GAD2: variants seen among roughly 807,000 people sequenced by gnomAD.
GAD2 encodes 65 kDa glutamic acid decarboxylase.
GAD2 carries 22 observed loss-of-function variants against 80.1 expected under a neutral mutation model. The observed-to-expected ratio is 0.27, with a 90% confidence interval of 0.20 to 0.39. The LOEUF is 0.39. Ranked by LOEUF, GAD2 falls within the 10% of genes least tolerant of loss-of-function variation. The pLI is 1.00. For missense variants in GAD2, 624 were observed against 738.4 expected, an observed-to-expected ratio of 0.85 and a Z score of 1.80; for synonymous variants, 274 against 256.9, an observed-to-expected ratio of 1.07 and a Z score of -0.64.
chr10:26,237,900 G>A (rs2132281857), intron 7 of GAD2, among the ~76,000 whole-genome samples: 1 of 151,932 alleles, frequency 6.6e-6, no homozygotes, highest in South Asian at 2.1e-4. Flanking sequence ...CCAGCTACTT[G>A]GGAGGCTGAG....
At chr10:26,287,972 G>A (rs1024911853) in intron 13 of GAD2, among the ~76,000 whole-genome samples, 2 of 152,176 alleles carry the variant, frequency 1.3e-5, no homozygotes, top group Non-Finnish European at 2.9e-5. Context: ...ACCAGTGAAT[G>A]GGTTCTTCCA....
At chr10:26,263,037 C>T (rs1845027455) in intron 8 of GAD2, among the ~76,000 whole-genome samples, 1 of 152,044 alleles carries the variant, frequency 6.6e-6, no homozygotes, top group Non-Finnish European at 1.5e-5. Context: ...ATCTCCTTAC[C>T]ATATCATGAT....
intron 6 of GAD2, among the ~76,000 whole-genome samples, chr10:26,226,351 G>A (rs1844522641): frequency 6.6e-6 from 1 of 152,280 alleles, no homozygotes; most frequent in Non-Finnish European, 1.5e-5. Flanking sequence ...TTTTCACATG[G>A]AGAAGACTTC....
intron 7 of GAD2, among the ~76,000 whole-genome samples, chr10:26,234,924 G>A (rs1844652870): frequency 6.6e-6 from 1 of 152,072 alleles, no homozygotes; most frequent in Non-Finnish European, 1.5e-5. Flanking sequence ...CCAGGCTAGA[G>A]TGCAGTGGCG....
At position 26,217,290 on chromosome 10, in the gene GAD2, T is replaced by C. The variant is rs1844386584; in HGVS notation, c.77-320T>C. ...TCTAGAAAGACAGTCTGCGAAAAAATGGATAGCTTCAGTGTTTAGGAAAAC... is the reference window on the plus strand; with the variant it reads ...TCTAGAAAGACAGTCTGCGAAAAAACGGATAGCTTCAGTGTTTAGGAAAAC... On this transcript the variant is annotated intron_variant, in intron 1 of 15. Coordinates refer to ENST00000376261, the MANE Select transcript of GAD2 (RefSeq NM_001134366.2). This position sits in a 1 kb window ranked among gnomAD's most constrained non-coding sequence, Gnocchi z 4.9. Among the ~76,000 whole-genome samples, 1 of 151,150 alleles carries C rather than the reference T, an allele frequency of 6.6e-6. No individual in the cohort carries two copies. Among genetic ancestry groups the C allele is most frequent in the African/African-American group, 2.4e-5 (1 of 41,080 alleles).
intron 7 of GAD2, among the ~76,000 whole-genome samples, chr10:26,243,298 C>A (rs1419367590): frequency 6.6e-6 from 1 of 152,196 alleles, no homozygotes; most frequent in Non-Finnish European, 1.5e-5. Flanking sequence ...GGTGATTAGA[C>A]ATACCCCCTA....
chr10:26,301,234 A>C lies in GAD2; in HGVS notation c.*273A>C, dbSNP rs1439771597. ...TATAAATACTTCCCTTACTTTTAAT[A>C]TAGTGTGCAAAGCAAACTTTATTTT... is the stretch of plus-strand genomic sequence containing the variant. On this transcript the variant is annotated 3_prime_UTR_variant, in exon 16 of 16. Transcript: ENST00000376261. The C allele has an allele frequency of 3.0e-6, 1 of 333,388 alleles. No homozygotes were observed. Among genetic ancestry groups the C allele is most frequent in the Non-Finnish European group, 5.7e-6 (1 of 176,508 alleles). The allele number at this position is 333,388 out of a possible 1,614,324, so 20.7% of individuals were successfully genotyped here. A position where few individuals can be genotyped will look rare whatever the true frequency, so the allele number is the denominator to read the frequency against.
intron 13 of GAD2, among the ~76,000 whole-genome samples, chr10:26,288,741 C>T (rs760748254): frequency 6.6e-6 from 1 of 152,136 alleles, no homozygotes; most frequent in African/African-American, 2.4e-5. Flanking sequence ...GTTTTTATTA[C>T]GGTAATGATC....
At chr10:26,233,437 T>C (rs1844631345) in intron 7 of GAD2, among the ~76,000 whole-genome samples, 1 of 152,176 alleles carries the variant, frequency 6.6e-6, no homozygotes, top group South Asian at 2.1e-4. Flanking sequence ...TCGGAGCTCA[T>C]TTAAAGCCGT....
intron 7 of GAD2, 68 bp downstream of exon 7, chr10:26,229,845 C>A: frequency 8.6e-7 from 1 of 1,167,108 alleles, no homozygotes; most frequent in Non-Finnish European, 1.3e-6. Flanking sequence ...GGAGTGATGG[C>A]TGGAAATGCA....
In GAD2 at chr10:26,297,116, G is replaced by A. The variant is rs190610345; in HGVS notation, c.1585-3672G>A. ...TTTTTGGTCAGGACAGGGTTGGGAC[G>A]GGGTTTCACCATGTTGGCCAGGCTG... On this transcript the variant is annotated intron_variant, in intron 15 of 15. Transcript: ENST00000376261. 2.1e-3 allele frequency among the ~76,000 whole-genome samples: 325 copies of A among 152,078 alleles called. 4 individuals carry two copies. The highest frequency in any genetic ancestry group is 0.017 in the Middle Eastern group (5 of 294).
At position 26,239,438 on chromosome 10, in the gene GAD2, G is replaced by A. The variant is rs187372435; in HGVS notation, c.841-6483G>A. 3.3e-5 allele frequency among the ~76,000 whole-genome samples: 5 copies of A among 152,278 alleles called. No homozygotes were observed. The East Asian group carries it at 7.7e-4, about 23-fold the overall frequency. On this transcript the variant is annotated intron_variant, in intron 7 of 15. Coordinates refer to ENST00000376261, the MANE Select transcript of GAD2 (RefSeq NM_001134366.2). ...TTAGATTTGAGGCATTGGGGTCCAC[G>A]GAGTCCACCAGAGCCACACCAACAT...
chr10:26,227,286 G>A (rs1393547054), intron 6 of GAD2, among the ~76,000 whole-genome samples: 8 of 152,206 alleles, frequency 5.3e-5, no homozygotes, highest in Admixed American at 4.6e-4. Context: ...CTTTCTTAGA[G>A]GATTCGTAGG....
intron 8 of GAD2, among the ~76,000 whole-genome samples, chr10:26,266,745 C>T (rs537189118): frequency 6.6e-6 from 1 of 152,330 alleles, no homozygotes; most frequent in East Asian, 1.9e-4. Flanking sequence ...ACTATATGTT[C>T]ATTACTGTTT....
rs113962077 is a variant in GAD2, at chr10:26,241,969, A to ATTTGTTTGTTTGTTTG, written c.841-3940_841-3925dup. Among the ~76,000 whole-genome samples the ATTTGTTTGTTTGTTTG allele has an allele frequency of 3.0e-3, 449 of 151,552 alleles. 6 individuals are homozygous for ATTTGTTTGTTTGTTTG. The highest frequency in any genetic ancestry group is 0.01 in the African/African-American group (420 of 41,180). ...CAGATACTGTTGAATCACTGGTTCC[A>ATTTGTTTGTTTGTTTG]TTTGTTTGTTTGTTTGTTTGTTTGT... On this transcript the variant is annotated intron_variant, in intron 7 of 15. Coordinates refer to ENST00000376261, the MANE Select transcript of GAD2 (RefSeq NM_001134366.2).
In GAD2 at chr10:26,303,113, G is replaced by A. The variant is rs967881011; in HGVS notation, c.*2152G>A. 1.3e-5 allele frequency: 2 copies of A among 152,162 alleles called. No individual in the cohort carries two copies. Among genetic ancestry groups the A allele is most frequent in the Non-Finnish European group, 1.5e-5 (1 of 68,032 alleles). 9.4% of individuals were successfully genotyped at this position (152,162 alleles called of 1,614,324 possible). A position where few individuals can be genotyped will look rare whatever the true frequency, so the allele number is the denominator to read the frequency against. On this transcript the variant is annotated 3_prime_UTR_variant, in exon 16 of 16. Transcript: ENST00000376261. ...GGTGAACCAACCCTGCTGTACTCCA[G>A]GATGCTTTATCTTTTGAGTTACAGA...
At chr10:26,236,176 C>T (rs1011470269) in intron 7 of GAD2, among the ~76,000 whole-genome samples, 2 of 152,126 alleles carry the variant, frequency 1.3e-5, no homozygotes, top group Non-Finnish European at 2.9e-5. Flanking sequence ...TACAGTGGCA[C>T]GATCATGGCT....
At chr10:26,283,947 C>A (rs1267389754) in intron 12 of GAD2, among the ~76,000 whole-genome samples, 8 of 152,190 alleles carry the variant, frequency 5.3e-5, no homozygotes, top group African/African-American at 1.9e-4. Flanking sequence ...ATCAGAACAT[C>A]TGACTTGGGT....
In GAD2 at chr10:26,292,491, T is replaced by G. The variant is rs1834227459; in HGVS notation, c.1413T>G (p.Val471=). ...GGACTACCGGGTTTGAAGCGCATGT[T>G]GATAAATGTTTGGAGTTGGCAGAGT... ...AKGTTGFEAH[V]DKCLELAEYL... The change falls in exon 14 of 16, where the codon GTT becomes GTG. Residue 471 remains valine, a synonymous_variant. Transcript: ENST00000376261. 6.2e-7 allele frequency: 1 copy of G among 1,614,080 alleles called. No homozygotes were observed. Among genetic ancestry groups the G allele is most frequent in the Non-Finnish European group, 8.5e-7 (1 of 1,179,942 alleles).
Sources: gnomAD v4.1 joint callset for allele counts (sites outside exome capture counted in the v4.1 genomes callset) on GRCh38, gnomAD v4.1.1 for gene constraint, Gnocchi (gnomAD v3.1) non-coding constraint, MANE v1.5 for transcripts, NCBI Gene and HGNC (gene_info 2026-07-23, HGNC 2026-07-21) for gene names.